The following EPHX4 variants were observed in gnomAD, a reference collection of about 807,000 sequenced individuals.
EPHX4 encodes epoxide hydrolase 4.
Under a neutral mutation model 44.9 loss-of-function variants are expected in EPHX4, and 31 were observed. The observed-to-expected ratio is 0.69, with a 90% CI of 0.52 to 0.93. The LOEUF (loss-of-function observed/expected upper bound fraction) is 0.93, where lower values mean the gene tolerates loss of function less well. EPHX4 is among the 40% of genes least tolerant of loss of function. The pLI is 0.00. For missense variants in EPHX4, 373 were observed against 438.1 expected (o/e 0.85, Z 1.33); for synonymous variants, 151 against 159.7 (o/e 0.95, Z 0.41).
intron 1 of EPHX4, among the ~76,000 whole-genome samples, chr1:92,031,819 T>G (rs1483406293): frequency 6.6e-6 from 1 of 152,208 alleles, no homozygotes; most frequent in African/African-American, 2.4e-5. Context: ...TTAATTTTCC[T>G]TGGGTTTTCT....
chr1:92,035,775 C>A (rs926037899), intron 2 of EPHX4, among the ~76,000 whole-genome samples: 1 of 152,120 alleles, frequency 6.6e-6, no homozygotes, highest in Non-Finnish European at 1.5e-5. Flanking sequence ...CTCCCCACCC[C>A]CAACAGGCTC....
intron 3 of EPHX4, among the ~76,000 whole-genome samples, chr1:92,045,152 C>T (rs570836975): frequency 2.6e-5 from 4 of 152,016 alleles, no homozygotes; most frequent in African/African-American, 9.6e-5. Flanking sequence ...TTTGTAGAGA[C>T]GGCTGGGTGT....
chr1:92,048,346 C>T lies in EPHX4; in HGVS notation c.605-1971C>T, dbSNP rs114214011. On this transcript the variant is annotated intron_variant, in intron 4 of 6. Transcript: ENST00000370383. Reference sequence around the variant, plus strand: ...AATTGATCAGGACCCAAGAGTAAATCTTATTTTGGTGGTGGTGCTATATGG... The same window carrying T: ...AATTGATCAGGACCCAAGAGTAAATTTTATTTTGGTGGTGGTGCTATATGG... Among the ~76,000 whole-genome samples the T allele has an allele frequency of 5.6e-3, 857 of 152,218 alleles. 8 individuals are homozygous for T. The highest frequency in any genetic ancestry group is 0.02 in the African/African-American group (812 of 41,532).
At chr1:92,045,273 C>A (rs1688567244) in intron 3 of EPHX4, among the ~76,000 whole-genome samples, 1 of 151,900 alleles carries the variant, frequency 6.6e-6, no homozygotes, top group Non-Finnish European at 1.5e-5. Flanking sequence ...GTGTGAGTCA[C>A]CACACCGGCC....
At chr1:92,042,774 G>A (rs1304029113) in intron 2 of EPHX4, 49 bp from the exon 3 acceptor site, 1 of 1,298,448 alleles carries the variant, frequency 7.7e-7, no homozygotes, top group Non-Finnish European at 1.1e-6. Flanking sequence ...TAATGTTACT[G>A]TTTGTACTAG....
At chr1:92,058,583 G>A (rs974243634) in intron 6 of EPHX4, among the ~76,000 whole-genome samples, 1 of 152,100 alleles carries the variant, frequency 6.6e-6, no homozygotes, top group Non-Finnish European at 1.5e-5. Flanking sequence ...TAGAAATAGA[G>A]GAGAAAGGAG....
intron 4 of EPHX4, among the ~76,000 whole-genome samples, chr1:92,047,045 A>G (rs757394530): frequency 1.2e-4 from 18 of 152,358 alleles, no homozygotes; most frequent in Middle Eastern, 6.8e-3. Flanking sequence ...TGAAGCTCAC[A>G]GTAGCAGATA....
In EPHX4 at chr1:92,042,871, T is replaced by G. The variant is rs148106205; in HGVS notation, c.366T>G (p.Val122=). The G allele has an allele frequency of 2.3e-4, 364 of 1,613,170 alleles. 1 individual carries two copies. Among genetic ancestry groups the G allele is most frequent in the Non-Finnish European group, 2.7e-4 (324 of 1,179,830 alleles). The stretch of plus-strand genomic sequence containing the variant: ...GAGAATTTAAAAGTGAATATCGAGT[T>G]GTAGCACTGGATTTGAGAGGTTATG... ...QLREFKSEYR[V]VALDLRGYGE... is the part of the protein sequence containing the mutation. Residue 122 remains valine (V), a synonymous_variant, in exon 3 of 7, where the codon GTT becomes GTG. Transcript: ENST00000370383.
At chr1:92,036,304 C>T (rs187817959) in intron 2 of EPHX4, among the ~76,000 whole-genome samples, 4 of 152,216 alleles carry the variant, frequency 2.6e-5, no homozygotes, top group Admixed American at 6.5e-5. Flanking sequence ...TGCTCTCTGT[C>T]GTATTCTAAG....
At position 92,050,384 on chromosome 1, in the gene EPHX4, G is replaced by A; in HGVS notation, c.672G>A (p.Trp224Ter). Residue 224 changes from tryptophan to a stop codon, truncating the protein, a stop_gained, in exon 5 of 7, where the codon TGG (tryptophan) becomes TGA (stop). Coordinates refer to ENST00000370383, the MANE Select transcript of EPHX4 (RefSeq NM_173567.5). LOFTEE classifies it high-confidence loss of function. ...SSYYYFFQIP[W>*]FPEFMFSIND... The stretch of plus-strand genomic sequence containing the variant: ...ATTATTACTTCTTCCAAATACCATG[G>A]TTCCCAGAATTTATGTTCTCAATAA... The A allele has an allele frequency of 6.2e-7, 1 of 1,603,434 alleles. No individual in the cohort carries two copies. Among genetic ancestry groups the A allele is most frequent in the Non-Finnish European group, 8.5e-7 (1 of 1,174,808 alleles).
chr1:92,046,863 G>A (rs1452257531), intron 4 of EPHX4, among the ~76,000 whole-genome samples: 1 of 152,108 alleles, frequency 6.6e-6, no homozygotes, highest in Non-Finnish European at 1.5e-5. Context: ...CACTTTTATT[G>A]TATCTTTTAT....
intron 6 of EPHX4, among the ~76,000 whole-genome samples, chr1:92,059,393 G>A (rs530735820): frequency 5.3e-4 from 80 of 152,074 alleles, no homozygotes; most frequent in South Asian, 1.2e-3. Flanking sequence ...GCCCAGATCC[G>A]TCACTGCACT....
At chr1:92,053,362 A>C (rs1200117282) in intron 6 of EPHX4, among the ~76,000 whole-genome samples, 1 of 152,114 alleles carries the variant, frequency 6.6e-6, no homozygotes, top group Non-Finnish European at 1.5e-5. Context: ...GGGTAAGAAG[A>C]GCATTATGAG....
chr1:92,048,414 A>AT (rs1197024554), intron 4 of EPHX4, among the ~76,000 whole-genome samples: 1 of 152,178 alleles, frequency 6.6e-6, no homozygotes, highest in African/African-American at 2.4e-5. Context: ...TACTTGGAAT[A>AT]TTTCTGGAAT....
chr1:92,035,513 C>A (rs72954760), intron 2 of EPHX4, among the ~76,000 whole-genome samples: 12,123 of 152,238 alleles, frequency 0.08, 514 homozygotes, highest in Non-Finnish European at 0.091. Context: ...CATTCCCATT[C>A]ATTCATTGTG....
intron 5 of EPHX4, 121 bp from the exon 6 acceptor site, chr1:92,052,389 C>A: frequency 1.1e-6 from 1 of 886,248 alleles, no homozygotes; most frequent in Non-Finnish European, 1.7e-6. Context: ...TCAAACTTGG[C>A]TAGAGCAGAA....
intron 2 of EPHX4, among the ~76,000 whole-genome samples, chr1:92,033,693 TTTG>T (rs1243937884): frequency 6.6e-6 from 1 of 152,222 alleles, no homozygotes. Flanking sequence ...TTCGTTCATT[TTTG>T]TTGCTAACAA....
At chr1:92,054,767 G>A (rs1365053617) in intron 6 of EPHX4, among the ~76,000 whole-genome samples, 1 of 151,860 alleles carries the variant, frequency 6.6e-6, no homozygotes, top group Non-Finnish European at 1.5e-5. Flanking sequence ...AGACAGGCTG[G>A]AAAGAGCTGA....
chr1:92,062,671 T>C (rs1647524354), intron 6 of EPHX4, among the ~76,000 whole-genome samples: 1 of 151,922 alleles, frequency 6.6e-6, no homozygotes, highest in South Asian at 2.1e-4. Context: ...TTATTATACA[T>C]TTTACTAGCC....
Sources: gnomAD v4.1 joint callset for allele counts (sites outside exome capture counted in the v4.1 genomes callset) on GRCh38, gnomAD v4.1.1 for gene constraint, MANE v1.5 for transcripts, NCBI Gene and HGNC (gene_info 2026-07-23, HGNC 2026-07-21) for gene names.